FRAS1: variants seen among roughly 807,000 people sequenced by gnomAD.
FRAS1 encodes the protein extracellular matrix organizing protein FRAS1.
A neutral mutation model predicts 435.2 loss-of-function variants in FRAS1; 290 were observed. The observed-to-expected ratio is 0.67, with a 90% confidence interval of 0.61 to 0.73. The LOEUF is 0.73. Among genes scored for constraint, FRAS1 ranks in the 30% least tolerant of loss-of-function variants. FRAS1 has a pLI of 0.00. For missense variants in FRAS1, 4,860 were observed against 5,001.5 expected (o/e 0.97, Z 0.85); for synonymous variants, 1,800 against 1,851.0 (o/e 0.97, Z 0.71).
At chr4:78,307,995 T>A in intron 14 of FRAS1, 71 bp from the exon 15 acceptor site, 1 of 1,457,826 alleles carries the variant, frequency 6.9e-7, no homozygotes, top group Non-Finnish European at 9.2e-7. Context: ...TATTCTAAAA[T>A]ATTTAAAAGA....
At position 78,416,052 on chromosome 4, in the gene FRAS1, A is replaced by G. The variant is rs116349302; in HGVS notation, c.4426-2897A>G. Among the ~76,000 whole-genome samples the G allele has an allele frequency of 4.8e-3, 729 of 152,338 alleles. 6 individuals are homozygous for G. The highest frequency in any genetic ancestry group is 0.017 in the African/African-American group (692 of 41,580). ...TAAATGTCTATCAGCAGAGAAATGGATAAAGAAAATGTGATACAGACGTAC... is the reference window on the plus strand; with the variant it reads ...TAAATGTCTATCAGCAGAGAAATGGGTAAAGAAAATGTGATACAGACGTAC... On this transcript the variant is annotated intron_variant, in intron 32 of 73. Coordinates refer to ENST00000512123, the MANE Select transcript of FRAS1 (RefSeq NM_025074.7).
At position 78,483,648 on chromosome 4, in the gene FRAS1, G is replaced by T. The variant is rs77622308; in HGVS notation, c.8752+1113G>T. ...GTAAACAATTCAAATGGCAAAAAGC[G>T]TATACTATGAAAATTAAATCTTCTT... On this transcript the variant is annotated intron_variant, in intron 58 of 73. Coordinates refer to ENST00000512123, the MANE Select transcript of FRAS1 (RefSeq NM_025074.7). 8.6e-5 allele frequency among the ~76,000 whole-genome samples: 13 copies of T among 151,280 alleles called. 1 individual carries two copies. Among genetic ancestry groups the T allele is most frequent in the East Asian group, 7.7e-4 (4 of 5,164 alleles).
In FRAS1 at chr4:78,367,743, C is replaced by T. The variant is rs573549198; in HGVS notation, c.2723-2095C>T. On this transcript the variant is annotated intron_variant, in intron 22 of 73. Transcript: ENST00000512123. ...ATGCGGGACTTTTCTTAGAGTTCTG[C>T]TTATTTCACTTGGTTACTGTAGGTT... Among the ~76,000 whole-genome samples, 90 of 152,080 alleles carry T rather than the reference C, an allele frequency of 5.9e-4. 4 individuals are homozygous for T. In the South Asian group the frequency reaches 0.018, roughly 30 times the overall value.
At chr4:78,063,239 C>T (rs961835301) in intron 1 of FRAS1, among the ~76,000 whole-genome samples, 1 of 152,194 alleles carries the variant, frequency 6.6e-6, no homozygotes, top group African/African-American at 2.4e-5. Context: ...GTACCCATGT[C>T]AACAAACCCC....
At chr4:78,412,245 C>T (rs1578307514) in intron 31 of FRAS1, among the ~76,000 whole-genome samples, 1 of 150,498 alleles carries the variant, frequency 6.6e-6, no homozygotes, top group African/African-American at 2.5e-5. Flanking sequence ...AGAACTCAGC[C>T]GCCTGCCATA....
intron 22 of FRAS1, among the ~76,000 whole-genome samples, chr4:78,369,301 G>A (rs1560685535): frequency 6.6e-6 from 1 of 152,190 alleles, no homozygotes; most frequent in African/African-American, 2.4e-5. Context: ...TGACCAGATT[G>A]GGGGATCATC....
intron 47 of FRAS1, among the ~76,000 whole-genome samples, chr4:78,459,752 T>G (rs973541945): frequency 3.9e-5 from 6 of 152,168 alleles, no homozygotes; most frequent in African/African-American, 1.4e-4. Context: ...TTGGTAGGAC[T>G]GGCTCCTTCT....
chr4:78,285,316 T>C (rs10010879), intron 13 of FRAS1, among the ~76,000 whole-genome samples: 143,885 of 149,620 alleles, frequency 0.96, 69,422 homozygotes, highest in East Asian at 1. Context: ...GCCGAGATTG[T>C]GCCACTGCAC....
Position 78,116,907 on chromosome 4 carries a change from T to C in FRAS1, c.108+50891T>C, listed in dbSNP as rs189786050. On this transcript the variant is annotated intron_variant, in intron 2 of 73. Coordinates refer to ENST00000512123, the MANE Select transcript of FRAS1 (RefSeq NM_025074.7). ...GCTGGTTATTTTGCTCATTAGTTGA[T>C]GCAGTTTCTTCCTAGCCTTGATGAT... Among the ~76,000 whole-genome samples the C allele has an allele frequency of 5.1e-4, 78 of 152,380 alleles. 2 individuals carry two copies. Among genetic ancestry groups the C allele is most frequent in the African/African-American group, 1.8e-3 (74 of 41,594 alleles).
chr4:78,215,149 G>A (rs1394396280), intron 2 of FRAS1, among the ~76,000 whole-genome samples: 1 of 151,386 alleles, frequency 6.6e-6, no homozygotes, highest in East Asian at 1.9e-4. Context: ...AATTTTAATT[G>A]TGGTAAAATA....
chr4:78,121,343 A>C (rs778659518), intron 2 of FRAS1, among the ~76,000 whole-genome samples: 1 of 152,132 alleles, frequency 6.6e-6, no homozygotes, highest in Non-Finnish European at 1.5e-5. Context: ...CTGGGGTTTA[A>C]ATTTCTTAAA....
rs1298247191 is a variant in FRAS1, at chr4:78,482,408, G to T, written c.8625G>T (p.Leu2875Phe). The change falls in exon 58 of 74, where the codon TTG becomes TTT. Residue 2875 changes from leucine to phenylalanine, a missense_variant. Coordinates refer to ENST00000512123, the MANE Select transcript of FRAS1 (RefSeq NM_025074.7). ...VIEQYCTLTI[L>F]DDTQYPVIEG... ...TCTAGTATTGCACCTTGACTATCTTGGATGACACTCAGTATCCGGTAATTG... is the reference window on the plus strand; with the variant it reads ...TCTAGTATTGCACCTTGACTATCTTTGATGACACTCAGTATCCGGTAATTG... The T allele has an allele frequency of 6.2e-7, 1 of 1,613,832 alleles. No individual in the cohort carries two copies. The highest frequency in any genetic ancestry group is 1.7e-5 in the Admixed American group (1 of 60,010).
chr4:78,287,341 G>A (rs952202438), intron 14 of FRAS1, among the ~76,000 whole-genome samples: 6 of 152,182 alleles, frequency 3.9e-5, no homozygotes, highest in African/African-American at 1.4e-4. Flanking sequence ...TCAGGACACA[G>A]AGCCAAATCA....
In FRAS1 at chr4:78,376,029, C is replaced by T. The variant is rs1731747505; in HGVS notation, c.3292+150C>T. 4.8e-6 allele frequency: 4 copies of T among 826,394 alleles called. No individual in the cohort carries two copies. In the South Asian group the frequency reaches 5.2e-5, roughly 11 times the overall value. 51.2% of individuals were successfully genotyped at this position (826,394 alleles called of 1,614,324 possible). A position where few individuals can be genotyped will look rare whatever the true frequency, so the allele number is the denominator to read the frequency against. On this transcript the variant is annotated intron_variant, in intron 26 of 73. Coordinates refer to ENST00000512123, the MANE Select transcript of FRAS1 (RefSeq NM_025074.7). ...TGGTGCTACTAAGGAGTAAGGGACTCTTTATAGAATATGGAAAATTGGGAA... is the reference window on the plus strand; with the variant it reads ...TGGTGCTACTAAGGAGTAAGGGACTTTTTATAGAATATGGAAAATTGGGAA...
intron 24 of FRAS1, among the ~76,000 whole-genome samples, chr4:78,373,671 G>A (rs1330492580): frequency 6.6e-6 from 1 of 151,850 alleles, no homozygotes; most frequent in African/African-American, 2.4e-5. Flanking sequence ...CAGCTACTCA[G>A]GAAGGCTAAG....
chr4:78,144,678 T>G (rs1720344078), intron 2 of FRAS1, among the ~76,000 whole-genome samples: 1 of 152,220 alleles, frequency 6.6e-6, no homozygotes, highest in African/African-American at 2.4e-5. Flanking sequence ...AGCCTCTTTC[T>G]TTGCTTATAG....
chr4:78,416,545 C>T (rs528465511), intron 32 of FRAS1, among the ~76,000 whole-genome samples: 1 of 151,604 alleles, frequency 6.6e-6, no homozygotes, highest in East Asian at 1.9e-4. Context: ...TATAGAGGTA[C>T]CATTCCTCAA....
intron 2 of FRAS1, chr4:78,181,270 C>G (rs1171656579): frequency 6.2e-7 from 1 of 1,607,804 alleles, no homozygotes; most frequent in East Asian, 2.2e-5. Flanking sequence ...CAACATCATT[C>G]TCCTTATTTT....
chr4:78,529,932 A>G (rs1367543494), intron 70 of FRAS1, among the ~76,000 whole-genome samples: 3 of 152,232 alleles, frequency 2.0e-5, no homozygotes, highest in Admixed American at 2.0e-4. Flanking sequence ...GAGAAAAGCA[A>G]ACCCATGAAT....
Sources: allele counts gnomAD v4.1 joint callset (sites outside exome capture counted in the v4.1 genomes callset), GRCh38; gene constraint gnomAD v4.1.1; transcripts MANE v1.5; gene names NCBI Gene and HGNC (gene_info 2026-07-23, HGNC 2026-07-21).